CHST11: variants seen among roughly 807,000 people sequenced by gnomAD.
CHST11 encodes C4S-1.
CHST11 carries 9 observed loss-of-function variants against 30.4 expected under a neutral mutation model. The ratio of observed to expected loss-of-function variants is 0.30; its 90% CI spans 0.18 to 0.52. The LOEUF is 0.52. Among genes scored for constraint, CHST11 ranks in the 20% least tolerant of loss-of-function variants. The pLI is 0.97. For synonymous variants in CHST11, 152 were observed against 187.8 expected, an observed-to-expected ratio of 0.81 and a Z score of 1.56; for missense variants, 348 against 460.6, an observed-to-expected ratio of 0.76 and a Z score of 2.24.
chr12:104,643,800 G>A (rs1239875867), intron 2 of CHST11, among the ~76,000 whole-genome samples: 1 of 152,152 alleles, frequency 6.6e-6, no homozygotes, highest in East Asian at 1.9e-4. Flanking sequence ...TCATGAGCGT[G>A]TTTTCCAGCT....
intron 2 of CHST11, among the ~76,000 whole-genome samples, chr12:104,644,716 G>A (rs970870735): frequency 1.3e-5 from 2 of 152,240 alleles, no homozygotes; most frequent in Admixed American, 6.5e-5. Context: ...CTCAGAGCCC[G>A]GTGGCAGACT....
chr12:104,722,609 A>T (rs972907741), intron 2 of CHST11, among the ~76,000 whole-genome samples: 9 of 151,944 alleles, frequency 5.9e-5, no homozygotes, highest in South Asian at 2.1e-4. Context: ...GTGGAAGAGG[A>T]CGGGCTATGG....
intron 2 of CHST11, among the ~76,000 whole-genome samples, chr12:104,726,821 T>C (rs1051795549): frequency 6.6e-6 from 1 of 152,222 alleles, no homozygotes; most frequent in Non-Finnish European, 1.5e-5. Context: ...TTACACTGCC[T>C]AAGGAACCCA....
chr12:104,490,495 T>A (rs2135967311), intron 1 of CHST11, among the ~76,000 whole-genome samples: 1 of 152,352 alleles, frequency 6.6e-6, no homozygotes, highest in South Asian at 2.1e-4. Context: ...CAATGTGAGT[T>A]TATCAGAAAA....
intron 2 of CHST11, among the ~76,000 whole-genome samples, chr12:104,615,199 C>A (rs1367530464): frequency 1.3e-5 from 2 of 152,216 alleles, no homozygotes; most frequent in African/African-American, 4.8e-5. Flanking sequence ...TGGCCTCTTG[C>A]AACATTCCCC....
At chr12:104,713,308 C>T (rs936479312) in intron 2 of CHST11, among the ~76,000 whole-genome samples, 1 of 152,084 alleles carries the variant, frequency 6.6e-6, no homozygotes, top group African/African-American at 2.4e-5. Context: ...CTGTCTCCCA[C>T]TCTTTAGCCA....
At chr12:104,513,666 G>T (rs4964815) in intron 1 of CHST11, among the ~76,000 whole-genome samples, 8,939 of 152,224 alleles carry the variant, frequency 0.059, 381 homozygotes, top group East Asian at 0.19. Context: ...AGATGGATGA[G>T]GCCCAGTGAT....
Position 104,457,547 on chromosome 12 carries a change from G to A in CHST11, c.118+18G>A, listed in dbSNP as rs373784521. On this transcript the variant is annotated intron_variant, in intron 1 of 2. Coordinates refer to ENST00000303694, the MANE Select transcript of CHST11 (RefSeq NM_018413.6). Reference sequence around the variant, plus strand: ...GCACCCAGGTAGGGGGCGCGTTAGCGTGGTTTTGTTGGATATTTTCTTCTC... The same window carrying A: ...GCACCCAGGTAGGGGGCGCGTTAGCATGGTTTTGTTGGATATTTTCTTCTC... 4.5e-4 allele frequency: 706 copies of A among 1,561,670 alleles called. No individual in the cohort carries two copies. The highest frequency in any genetic ancestry group is 6.0e-4 in the Non-Finnish European group (680 of 1,132,640).
chr12:104,506,273 A>G (rs1289404888), intron 1 of CHST11, among the ~76,000 whole-genome samples: 1 of 152,222 alleles, frequency 6.6e-6, no homozygotes, highest in Non-Finnish European at 1.5e-5. Flanking sequence ...AGTTTTGAGT[A>G]TGGGATTGAG....
chr12:104,563,724 G>T (rs143574154), intron 1 of CHST11, among the ~76,000 whole-genome samples: 1 of 151,890 alleles, frequency 6.6e-6, no homozygotes, highest in Non-Finnish European at 1.5e-5. Flanking sequence ...GATGGTGGGG[G>T]TTGGTGTTCT....
At chr12:104,707,752 GCACACA>G (rs1259556432) in intron 2 of CHST11, among the ~76,000 whole-genome samples, 1 of 151,962 alleles carries the variant, frequency 6.6e-6, no homozygotes. Flanking sequence ...ACATACAAAT[GCACACA>G]CACACAGATA....
intron 2 of CHST11, among the ~76,000 whole-genome samples, chr12:104,610,286 T>G (rs2039048124): frequency 6.6e-6 from 1 of 152,222 alleles, no homozygotes; most frequent in African/African-American, 2.4e-5. Context: ...TTGATCTCAT[T>G]GATTCGTCCA....
At chr12:104,475,025 T>C (rs1432461666) in intron 1 of CHST11, among the ~76,000 whole-genome samples, 1 of 152,220 alleles carries the variant, frequency 6.6e-6, no homozygotes. Context: ...AATTTTGCAG[T>C]TGACTACTTA....
intron 1 of CHST11, among the ~76,000 whole-genome samples, chr12:104,519,071 G>GGTGTGTGTGTGTGTGTGTGTGTGT (rs10628757): frequency 4.1e-4 from 57 of 139,636 alleles, no homozygotes; most frequent in African/African-American, 1.2e-3. Context: ...GGACTCTTGA[G>GGTGTGTGTGTGTGTGTGTGTGTGT]GTGTGTGTGT....
chr12:104,749,421 C>T (rs1046833274), intron 2 of CHST11, among the ~76,000 whole-genome samples: 1 of 152,164 alleles, frequency 6.6e-6, no homozygotes, highest in East Asian at 1.9e-4. Flanking sequence ...TTTCATACTG[C>T]ACATATGTCC....
At chr12:104,540,990 T>C (rs547480988) in intron 1 of CHST11, among the ~76,000 whole-genome samples, 1 of 152,312 alleles carries the variant, frequency 6.6e-6, no homozygotes, top group African/African-American at 2.4e-5. Flanking sequence ...AAAGAGCCAG[T>C]GGCAGAACTT....
At chr12:104,711,187 A>G (rs952049593) in intron 2 of CHST11, among the ~76,000 whole-genome samples, 6 of 152,204 alleles carry the variant, frequency 3.9e-5, no homozygotes, top group Non-Finnish European at 7.3e-5. Context: ...ATTTCCTGAG[A>G]TGCCCTGTGG....
intron 2 of CHST11, among the ~76,000 whole-genome samples, chr12:104,609,035 A>G (rs1327347541): frequency 6.6e-6 from 1 of 152,248 alleles, no homozygotes; most frequent in Non-Finnish European, 1.5e-5. Flanking sequence ...AATCATAGAA[A>G]TGAGCATGGA....
intron 1 of CHST11, among the ~76,000 whole-genome samples, chr12:104,530,879 C>T (rs1442912104): frequency 1.3e-5 from 2 of 152,200 alleles, no homozygotes; most frequent in Non-Finnish European, 2.9e-5. Flanking sequence ...GTGCTGTAGA[C>T]CCTGATTCAT....
Sources: allele counts gnomAD v4.1 joint callset (sites outside exome capture counted in the v4.1 genomes callset), GRCh38; gene constraint gnomAD v4.1.1; transcripts MANE v1.5; gene names NCBI Gene and HGNC (gene_info 2026-07-23, HGNC 2026-07-21).